KLHL4: variants seen among roughly 807,000 people sequenced by gnomAD.
KLHL4 encodes kelch like family member 4, also known as kelch-like protein 4.
In KLHL4, 17 loss-of-function variants were observed where a neutral mutation model predicts 45.8. The observed-to-expected ratio is 0.37, with a 90% confidence interval of 0.25 to 0.56. KLHL4 has a LOEUF of 0.56. Ranked by LOEUF, KLHL4 falls within the 20% of genes least tolerant of loss-of-function variation. KLHL4 has a pLI of 0.79. For missense variants in KLHL4, 544 were observed against 544.9 expected (o/e 1.00, Z 0.02); for synonymous variants, 224 against 189.9 (o/e 1.18, Z -1.47).
intron 9 of KLHL4, among the ~76,000 whole-genome samples, chrX:87,641,899 A>G (rs1923473161): frequency 9.1e-6 from 1 of 109,839 alleles, no homozygotes; most frequent in Admixed American, 9.7e-5. Context: ...CCACCCAAGG[A>G]ATGTCTGAGC....
chrX:87,617,165 G>T (rs912610931), intron 3 of KLHL4, among the ~76,000 whole-genome samples: 4 of 110,010 alleles, frequency 3.6e-5, no homozygotes, highest in Non-Finnish European at 5.7e-5. Flanking sequence ...AATTGCTTCT[G>T]ATTCTGTTTT....
chrX:87,594,382 T>A (rs1017161072), intron 1 of KLHL4, among the ~76,000 whole-genome samples: 1 of 111,854 alleles, frequency 8.9e-6, no homozygotes, highest in Non-Finnish European at 1.9e-5. Flanking sequence ...CTAATTCCTA[T>A]ACGGTTTCAA....
At chrX:87,623,514 G>A (rs1240952735) in intron 5 of KLHL4, among the ~76,000 whole-genome samples, 2 of 109,443 alleles carry the variant, frequency 1.8e-5, no homozygotes, top group South Asian at 4.0e-4. Context: ...GGATGGTCTC[G>A]ACCTCCTGAC....
chrX:87,527,411 C>A lies in KLHL4; in HGVS notation c.422+9096C>A, dbSNP rs73509848. On this transcript the variant is annotated intron_variant, in intron 1 of 10. Transcript: ENST00000373119. ...TCTATCACATTCACATGGGTGCCTG[C>A]AGCACCACAACCCTGGCTGCCAAGA... 4.6e-3 allele frequency among the ~76,000 whole-genome samples: 516 copies of A among 111,566 alleles called. 2 individuals carry two copies. The highest frequency in any genetic ancestry group is 0.016 in the African/African-American group (503 of 30,679).
chrX:87,537,192 A>T (rs1481864465), intron 1 of KLHL4, among the ~76,000 whole-genome samples: 1 of 111,198 alleles, frequency 9.0e-6, no homozygotes, highest in Non-Finnish European at 1.9e-5. Context: ...AAAAGAGTAC[A>T]CTAAAGATAG....
rs1924489987 is a variant in KLHL4 at position 87,669,424 on chromosome X, C to T, written c.*2890C>T. 3 of 1,203,314 alleles carry T rather than the reference C, an allele frequency of 2.5e-6. No individual in the cohort carries two copies. The highest frequency in any genetic ancestry group is 3.0e-5 in the East Asian group (1 of 33,492). Reference sequence around the variant, plus strand: ...AGATCCTTTCTCCACACAGCAATGACATTTATCAATCTGACTCAGGTGTGG... The same window carrying T: ...AGATCCTTTCTCCACACAGCAATGATATTTATCAATCTGACTCAGGTGTGG... On this transcript the variant is annotated 3_prime_UTR_variant, in exon 11 of 11. Coordinates refer to ENST00000373119, the MANE Select transcript of KLHL4 (RefSeq NM_019117.5).
At position 87,668,082 on chromosome X, in the gene KLHL4, G is replaced by A. The variant is rs1195552482; in HGVS notation, c.*1548G>A. On this transcript the variant is annotated 3_prime_UTR_variant, in exon 11 of 11. Transcript: ENST00000373119. Reference sequence around the variant, plus strand: ...CTGCCATTGTCTCTAATTCTAAAGAGAGAGCTATAGATTTCTGCAGTTCTA... The same window carrying A: ...CTGCCATTGTCTCTAATTCTAAAGAAAGAGCTATAGATTTCTGCAGTTCTA... The A allele has an allele frequency of 4.0e-6, 3 of 746,706 alleles. No individual in the cohort carries two copies. In the East Asian group the frequency reaches 4.6e-4, roughly 114 times the overall value. The allele number at this position is 746,706 out of a possible 1,213,427, so 61.5% of individuals were successfully genotyped here. A position where few individuals can be genotyped will look rare whatever the true frequency, so the allele number is the denominator to read the frequency against.
intron 1 of KLHL4, among the ~76,000 whole-genome samples, chrX:87,523,325 G>A (rs1160762191): frequency 3.6e-5 from 4 of 111,136 alleles, no homozygotes; most frequent in East Asian, 2.8e-4. Context: ...ATATGTACAC[G>A]TATATGTATA....
chrX:87,622,399 C>G lies in KLHL4; in HGVS notation c.1113C>G (p.Ile371Met). 8.3e-7 allele frequency: 1 copy of G among 1,201,764 alleles called. No individual in the cohort carries two copies. The highest frequency in any genetic ancestry group is 1.1e-6 in the Non-Finnish European group (1 of 888,399). ...AACTGGGGATGCTGCTTTCTTACAT[C>G]AGACTGCCATTACTCCCACCACAGG... ...QGELGMLLSYIRLPLLPPQLL... is the reference protein window; with the variant it reads ...QGELGMLLSYMRLPLLPPQLL... The change falls in exon 5 of 11, where the codon ATC becomes ATG. Residue 371 changes from isoleucine (I) to methionine (M), a missense_variant. By Grantham distance (10) the Ile-to-Met change is conservative (BLOSUM62 1). Coordinates refer to ENST00000373119, the MANE Select transcript of KLHL4 (RefSeq NM_019117.5).
rs189926650 is a variant in KLHL4 at position 87,638,708 on chromosome X, A to C, written c.1925+2933A>C. Reference sequence around the variant, plus strand: ...TAAAAGGAGCTCTAAATCATGAAAGAAATCCTCACAATACAGAAAAATAGA... The same window carrying C: ...TAAAAGGAGCTCTAAATCATGAAAGCAATCCTCACAATACAGAAAAATAGA... On this transcript the variant is annotated intron_variant, in intron 9 of 10. Transcript: ENST00000373119. Among the ~76,000 whole-genome samples, 565 of 111,953 alleles carry C rather than the reference A, an allele frequency of 5.0e-3. 4 individuals are homozygous for C. Among genetic ancestry groups the C allele is most frequent in the African/African-American group, 0.017 (539 of 30,829 alleles).
At position 87,635,673 on chromosome X, in the gene KLHL4, G is replaced by A; in HGVS notation, c.1823G>A (p.Gly608Glu). ...TGTGCTCCAATGTCCAAAAGACGTG[G>A]AGGTGTGGGAGTTGCCACATACAAT... ...SLCAPMSKRR[G>E]GVGVATYNGF... Residue 608 changes from glycine (G) to glutamate (E), a missense_variant, in exon 9 of 11, where the codon GGA becomes GAA. Coordinates refer to ENST00000373119, the MANE Select transcript of KLHL4 (RefSeq NM_019117.5). The A allele has an allele frequency of 1.7e-6, 2 of 1,209,669 alleles. No homozygotes were observed. The highest frequency in any genetic ancestry group is 2.2e-6 in the Non-Finnish European group (2 of 893,429).
chrX:87,600,484 C>CAAA (rs148536239), intron 1 of KLHL4, among the ~76,000 whole-genome samples: 14 of 69,760 alleles, frequency 2.0e-4, no homozygotes, highest in East Asian at 4.8e-4. Flanking sequence ...CTTCGTCTCA[C>CAAA]AAAAAAAAAA....
rs761675267 is a variant in KLHL4 at position 87,551,608 on chromosome X, T to TAGATAGATAGATAGATAGATGATAGAA, written c.422+33296_422+33297insTAGATAGATAGATAGATGATAGAAAGA. Among the ~76,000 whole-genome samples the TAGATAGATAGATAGATAGATGATAGAA allele has an allele frequency of 3.7e-5, 4 of 107,112 alleles. No homozygotes were observed. The Admixed American group carries it at 4.1e-4, about 11-fold the overall frequency. 93.0% of individuals were successfully genotyped at this position (107,112 alleles called of 115,157 possible). A position where few individuals can be genotyped will look rare whatever the true frequency, so the allele number is the denominator to read the frequency against. ...ATAGGTAGATAGATAGATAGATAGA[T>TAGATAGATAGATAGATAGATGATAGAA]AGAAATAGAAATCTTGTGTCATCAC... On this transcript the variant is annotated intron_variant, in intron 1 of 10. Transcript: ENST00000373119.
chrX:87,622,803 C>T lies in KLHL4; in HGVS notation c.1137+380C>T, dbSNP rs916944046. Among the ~76,000 whole-genome samples, 4 of 110,873 alleles carry T rather than the reference C, an allele frequency of 3.6e-5. No individual in the cohort carries two copies. The East Asian group carries it at 1.1e-3, about 32-fold the overall frequency. On this transcript the variant is annotated intron_variant, in intron 5 of 10. Coordinates refer to ENST00000373119, the MANE Select transcript of KLHL4 (RefSeq NM_019117.5). Reference sequence around the variant, plus strand: ...GGAGAGTCTAGGAAGGAGTCAGGTACTGAATAATATCTTTTAATATTATCC... The same window carrying T: ...GGAGAGTCTAGGAAGGAGTCAGGTATTGAATAATATCTTTTAATATTATCC...
intron 1 of KLHL4, among the ~76,000 whole-genome samples, chrX:87,522,367 A>G (rs1307371417): frequency 9.0e-6 from 1 of 111,371 alleles, no homozygotes; most frequent in East Asian, 2.8e-4. Context: ...AATAAGAAGT[A>G]CCTTTTGTTG....
intron 1 of KLHL4, among the ~76,000 whole-genome samples, chrX:87,610,275 T>C (rs1922328817): frequency 1.8e-5 from 2 of 112,303 alleles, no homozygotes; most frequent in South Asian, 7.4e-4. Context: ...TGTTTACTGC[T>C]ATATCTTCAC....
chrX:87,592,334 A>G (rs1411489824), intron 1 of KLHL4, among the ~76,000 whole-genome samples: 1 of 112,044 alleles, frequency 8.9e-6, no homozygotes, highest in Non-Finnish European at 1.9e-5. Context: ...AAGTACAGAT[A>G]TCTCTTCGAT....
chrX:87,524,494 C>A (rs942825250), intron 1 of KLHL4, among the ~76,000 whole-genome samples: 1 of 111,330 alleles, frequency 9.0e-6, no homozygotes, highest in Non-Finnish European at 1.9e-5. Flanking sequence ...CTTCCTCCCC[C>A]ATCCCCATCA....
intron 9 of KLHL4, among the ~76,000 whole-genome samples, chrX:87,660,886 G>C (rs1333257795): frequency 8.9e-6 from 1 of 111,963 alleles, no homozygotes; most frequent in Non-Finnish European, 1.9e-5. Context: ...AACTGCATCG[G>C]AGTGCGAAAC....
Sources: gnomAD v4.1 joint callset for allele counts (sites outside exome capture counted in the v4.1 genomes callset) on GRCh38, gnomAD v4.1.1 for gene constraint, MANE v1.5 for transcripts, NCBI Gene and HGNC (gene_info 2026-07-23, HGNC 2026-07-21) for gene names.